The following DYM variants were observed in gnomAD, a reference collection of about 807,000 sequenced individuals.
The protein encoded by DYM is dymeclin.
Under a neutral mutation model 93.1 loss-of-function variants are expected in DYM, and 78 were observed. The observed-to-expected ratio is 0.84, with a 90% CI of 0.70 to 1.01. The LOEUF (loss-of-function observed/expected upper bound fraction) is 1.01, where lower values mean the gene tolerates loss of function less well. Ranked by LOEUF, DYM falls within the 50% of genes least tolerant of loss-of-function variation. The pLI is 0.00. For synonymous variants in DYM, 321 were observed against 319.7 expected, an observed-to-expected ratio of 1.00 and a Z score of -0.04; for missense variants, 789 against 845.0, an observed-to-expected ratio of 0.93 and a Z score of 0.82.
intron 6 of DYM, among the ~76,000 whole-genome samples, chr18:49,357,331 G>T (rs138105236): frequency 6.6e-6 from 1 of 152,040 alleles, no homozygotes; most frequent in Admixed American, 6.6e-5. Context: ...GAATTAAAAA[G>T]AAATTATTAT....
At chr18:49,286,975 G>C (rs1010801091) in intron 8 of DYM, among the ~76,000 whole-genome samples, 12 of 152,152 alleles carry the variant, frequency 7.9e-5, no homozygotes, top group African/African-American at 2.4e-4. Flanking sequence ...GGTGGACCAA[G>C]AGGTCAGGAC....
chr18:49,323,337 C>A (rs2062649672), intron 8 of DYM, among the ~76,000 whole-genome samples: 1 of 152,166 alleles, frequency 6.6e-6, no homozygotes, highest in South Asian at 2.1e-4. Flanking sequence ...TAGATGCCAA[C>A]ATGCAGAAGA....
At chr18:49,333,030 A>T (rs1417990312) in intron 7 of DYM, among the ~76,000 whole-genome samples, 1 of 152,246 alleles carries the variant, frequency 6.6e-6, no homozygotes, top group Middle Eastern at 3.2e-3. Flanking sequence ...TGCCACAGGA[A>T]TAATCAGGGT....
At chr18:49,269,192 T>C (rs562718728) in intron 11 of DYM, among the ~76,000 whole-genome samples, 8 of 152,026 alleles carry the variant, frequency 5.3e-5, no homozygotes, top group Non-Finnish European at 1.2e-4. Flanking sequence ...AACAAGTATA[T>C]GAAAATGTGC....
intron 13 of DYM, among the ~76,000 whole-genome samples, chr18:49,228,936 C>G (rs907311320): frequency 3.9e-5 from 6 of 152,090 alleles, no homozygotes; most frequent in Non-Finnish European, 7.4e-5. Flanking sequence ...TCTGAATAAA[C>G]AGTTATTAGT....
At chr18:49,111,932 T>C (rs1326835289) in intron 16 of DYM, among the ~76,000 whole-genome samples, 3 of 152,206 alleles carry the variant, frequency 2.0e-5, no homozygotes, top group African/African-American at 7.2e-5. Flanking sequence ...CTTTGCCCTG[T>C]ATCTGTGATG....
At chr18:49,401,974 C>T (rs553767017) in intron 2 of DYM, among the ~76,000 whole-genome samples, 4 of 149,740 alleles carry the variant, frequency 2.7e-5, no homozygotes, top group African/African-American at 7.4e-5. Context: ...TGCAGTGAGC[C>T]GAGATGACAC....
intron 16 of DYM, among the ~76,000 whole-genome samples, chr18:49,108,978 C>G (rs556974801): frequency 6.6e-6 from 1 of 151,970 alleles, no homozygotes; most frequent in Non-Finnish European, 1.5e-5. Flanking sequence ...CCTGGTAATG[C>G]TCCCTGTGTT....
intron 15 of DYM, among the ~76,000 whole-genome samples, chr18:49,144,780 T>A (rs1252771700): frequency 6.6e-6 from 1 of 152,008 alleles, no homozygotes; most frequent in Non-Finnish European, 1.5e-5. Flanking sequence ...TAAATCTGCA[T>A]ATAATGTTTC....
At chr18:49,388,922 A>G (rs1333981786) in intron 3 of DYM, among the ~76,000 whole-genome samples, 1 of 151,608 alleles carries the variant, frequency 6.6e-6, no homozygotes, top group East Asian at 1.9e-4. Flanking sequence ...ACAAAAAAAA[A>G]AAAAAAGAAA....
At chr18:49,076,669 T>C (rs772243318) in intron 17 of DYM, among the ~76,000 whole-genome samples, 1 of 152,180 alleles carries the variant, frequency 6.6e-6, no homozygotes, top group African/African-American at 2.4e-5. Flanking sequence ...GGGAACACCA[T>C]AGAGAGGCTG....
At chr18:49,428,128 A>T (rs975143525) in intron 2 of DYM, among the ~76,000 whole-genome samples, 1 of 152,082 alleles carries the variant, frequency 6.6e-6, no homozygotes, top group Non-Finnish European at 1.5e-5. Flanking sequence ...GTATTGGTGC[A>T]TGCTACAACA....
chr18:49,217,947 G>C (rs2093156576), intron 13 of DYM, among the ~76,000 whole-genome samples: 1 of 152,098 alleles, frequency 6.6e-6, no homozygotes. Flanking sequence ...CCAATTAAAA[G>C]ACACAGACTG....
intron 14 of DYM, among the ~76,000 whole-genome samples, chr18:49,173,884 T>C (rs975087108): frequency 2.6e-5 from 4 of 152,140 alleles, no homozygotes; most frequent in East Asian, 1.9e-4. Flanking sequence ...GGACCTATAG[T>C]ACAATACTGA....
In DYM at chr18:49,424,599, G is replaced by A. The variant is rs958775530; in HGVS notation, c.140+5656C>T. ...GGATATTCAATTAGGAAAAGAGGAA[G>A]TCAAATTATCTCTGCAGATGATGTG... On this transcript the variant is annotated intron_variant, in intron 2 of 17. Coordinates refer to ENST00000675505, the MANE Select transcript of DYM (RefSeq NM_001353214.3). Among the ~76,000 whole-genome samples, 7 of 151,994 alleles carry A rather than the reference G, an allele frequency of 4.6e-5. No homozygotes were observed. In the East Asian group the frequency reaches 1.4e-3, roughly 29 times the overall value.
intron 8 of DYM, among the ~76,000 whole-genome samples, chr18:49,296,548 A>T (rs537665848): frequency 6.6e-6 from 1 of 152,276 alleles, no homozygotes; most frequent in Non-Finnish European, 1.5e-5. Flanking sequence ...AATAAACTGC[A>T]GTCAGTTTGT....
intron 17 of DYM, 67 bp downstream of exon 17, chr18:49,097,335 C>A (rs1274878693): frequency 1.1e-5 from 15 of 1,427,508 alleles, no homozygotes; most frequent in Non-Finnish European, 2.0e-6. Context: ...ATAGGGTCTG[C>A]TAAGACACTA....
At chr18:49,241,833 A>G (rs2094019206) in intron 13 of DYM, among the ~76,000 whole-genome samples, 2 of 152,226 alleles carry the variant, frequency 1.3e-5, no homozygotes, top group Non-Finnish European at 2.9e-5. Flanking sequence ...ACATATTTCG[A>G]ATTTTTCAAA....
chr18:49,267,567 C>T (rs1426125618), intron 11 of DYM, among the ~76,000 whole-genome samples: 1 of 152,086 alleles, frequency 6.6e-6, no homozygotes, highest in Non-Finnish European at 1.5e-5. Context: ...CGATATAATT[C>T]TGTGGTGATA....
Sources: gnomAD v4.1 joint callset for allele counts (sites outside exome capture counted in the v4.1 genomes callset) on GRCh38, gnomAD v4.1.1 for gene constraint, MANE v1.5 for transcripts, NCBI Gene and HGNC (gene_info 2026-07-23, HGNC 2026-07-21) for gene names.